Variants in PPIP5K2 observed in about 807,000 individuals in gnomAD.
PPIP5K2 encodes inositol hexakisphosphate and diphosphoinositol-pentakisphosphate kinase 2.
In PPIP5K2, 105 loss-of-function variants were observed where a neutral mutation model predicts 154.6. The ratio of observed to expected loss-of-function variants is 0.68; its 90% CI spans 0.58 to 0.80. PPIP5K2 has a LOEUF of 0.80. PPIP5K2 is among the 30% of genes least tolerant of loss of function. The pLI, the probability that PPIP5K2 is intolerant of heterozygous loss-of-function variation, is 0.00. For missense variants in PPIP5K2, 992 were observed against 1,504.6 expected, an observed-to-expected ratio of 0.66 and a Z score of 5.64; for synonymous variants, 480 against 490.3, an observed-to-expected ratio of 0.98 and a Z score of 0.28.
At chr5:103,167,468 A>G (rs1797308166) in intron 18 of PPIP5K2, 148 bp downstream of exon 18, 2 of 529,126 alleles carry the variant, frequency 3.8e-6, no homozygotes, top group African/African-American at 2.0e-5. Context: ...AAGCAAAAAA[A>G]TAATGGCTAA....
Position 103,208,543 on chromosome 5 carries a change from C to T in PPIP5K2, c.*6909C>T, listed in dbSNP as rs563810562. 1 of 152,236 alleles carries T rather than the reference C, an allele frequency of 6.6e-6. No individual in the cohort carries two copies. The highest frequency in any genetic ancestry group is 1.5e-5 in the Non-Finnish European group (1 of 68,098). 9.4% of individuals were successfully genotyped at this position (152,236 alleles called of 1,614,324 possible). ...GGGTTACCACCTTTGGAGTCTCTTT[C>T]CTCCTGTCTGCCACGTCTACAGACT... On this transcript the variant is annotated 3_prime_UTR_variant, in exon 31 of 31. Transcript: ENST00000358359.
intron 1 of PPIP5K2, among the ~76,000 whole-genome samples, chr5:103,121,258 GATAGATAAAATAATAAC>G (rs1788665536): frequency 1.3e-5 from 2 of 151,994 alleles, no homozygotes; most frequent in Admixed American, 1.3e-4. Flanking sequence ...TTTTGTCTCA[GATAGATAAAATAATAAC>G]GATAGTTGCC....
intron 25 of PPIP5K2, chr5:103,184,423 A>G (rs562127066): frequency 6.5e-6 from 2 of 309,288 alleles, no homozygotes; most frequent in South Asian, 1.5e-4. Flanking sequence ...GCTTCTTTTC[A>G]TCTGTCTTGT....
rs1803366801 is a variant in PPIP5K2 at position 103,204,301 on chromosome 5, C to T, written c.*2667C>T. 1 of 151,254 alleles carries T rather than the reference C, an allele frequency of 6.6e-6. No homozygotes were observed. The highest frequency in any genetic ancestry group is 2.4e-5 in the African/African-American group (1 of 40,952). 9.4% of individuals were successfully genotyped at this position (151,254 alleles called of 1,614,324 possible). ...TTAACTTTACATCATTTTATCCTTG[C>T]CTTACTATCTGGACAGTGTAGACTG... is the stretch of plus-strand genomic sequence containing the variant. On this transcript the variant is annotated 3_prime_UTR_variant, in exon 31 of 31. Transcript: ENST00000358359.
intron 1 of PPIP5K2, among the ~76,000 whole-genome samples, chr5:103,122,337 C>T (rs1357838008): frequency 2.6e-5 from 4 of 152,156 alleles, no homozygotes; most frequent in Non-Finnish European, 4.4e-5. Context: ...TGGGGCCTAA[C>T]AGAAGTGTGA....
intron 26 of PPIP5K2, among the ~76,000 whole-genome samples, chr5:103,185,815 A>C (rs976690282): frequency 6.6e-6 from 1 of 152,068 alleles, no homozygotes; most frequent in African/African-American, 2.4e-5. Context: ...GATATACTTT[A>C]TTTCATAAGA....
chr5:103,201,029 CCT>C lies in PPIP5K2; in HGVS notation c.3620-492_3620-491del, dbSNP rs1321260953. 5.3e-5 allele frequency among the ~76,000 whole-genome samples: 8 copies of C among 152,268 alleles called. No homozygotes were observed. The East Asian group carries it at 1.5e-3, about 29-fold the overall frequency. On this transcript the variant is annotated intron_variant, in intron 30 of 30. Transcript: ENST00000358359. ...GTCAAGCGTGCTTCTAGTTTTCTTACCTTCTAGCTTTTTAGAGAGGGATAAGA... is the reference window on the plus strand; with the variant it reads ...GTCAAGCGTGCTTCTAGTTTTCTTACTCTAGCTTTTTAGAGAGGGATAAGA...
At chr5:103,141,171 C>T (rs1030591383) in intron 5 of PPIP5K2, among the ~76,000 whole-genome samples, 2 of 152,112 alleles carry the variant, frequency 1.3e-5, no homozygotes, top group African/African-American at 2.4e-5. Flanking sequence ...GTCTTGTGTC[C>T]GGAATTGGTG....
intron 7 of PPIP5K2, among the ~76,000 whole-genome samples, chr5:103,148,799 G>A (rs1299796151): frequency 6.8e-6 from 1 of 147,946 alleles, no homozygotes; most frequent in Non-Finnish European, 1.5e-5. Context: ...CTTTTGGAAG[G>A]TTTTTTTTTT....
intron 2 of PPIP5K2, among the ~76,000 whole-genome samples, chr5:103,130,756 C>G (rs1004346296): frequency 6.6e-6 from 1 of 152,150 alleles, no homozygotes; most frequent in Non-Finnish European, 1.5e-5. Context: ...CTCTGGCTCA[C>G]TTAAACTAGA....
At chr5:103,141,779 A>T (rs1554206856) in intron 5 of PPIP5K2, among the ~76,000 whole-genome samples, 1 of 151,006 alleles carries the variant, frequency 6.6e-6, no homozygotes, top group Non-Finnish European at 1.5e-5. Flanking sequence ...TGCCGATTGG[A>T]GTATTTACAA....
intron 1 of PPIP5K2, among the ~76,000 whole-genome samples, chr5:103,126,400 C>A (rs34791): frequency 0.25 from 37,272 of 151,900 alleles, 5,194 homozygotes; most frequent in East Asian, 0.45. Context: ...TGGATACATA[C>A]TTTTTTTTCC....
chr5:103,162,438 C>T (rs1214123882), intron 17 of PPIP5K2, among the ~76,000 whole-genome samples: 5 of 151,404 alleles, frequency 3.3e-5, no homozygotes, highest in African/African-American at 9.7e-5. Flanking sequence ...TCATAGCTCA[C>T]TGTGGCCTGA....
chr5:103,153,804 A>C (rs1038090993), intron 10 of PPIP5K2, 44 bp from the exon 11 acceptor site: 2 of 1,372,992 alleles, frequency 1.5e-6, no homozygotes, highest in Non-Finnish European at 2.0e-6. Context: ...TACAACACAA[A>C]TCTTTTTTAG....
In PPIP5K2 at chr5:103,177,672, A is replaced by G. The variant is rs1554221379; in HGVS notation, c.2535A>G (p.Ser845=). Residue 845 remains serine, a synonymous_variant, in exon 22 of 31, where the codon TCA becomes TCG. Transcript: ENST00000358359. ...ILRYGALCNE[S]KDEQWKRAMD... ...CACATGTATCTTTTGTTCAGGAATC[A>G]AAGGATGAACAGTGGAAACGAGCTA... The G allele has an allele frequency of 1.9e-6, 3 of 1,599,308 alleles. No homozygotes were observed. In the East Asian group the frequency reaches 6.7e-5, roughly 36 times the overall value.
chr5:103,161,053 C>A (rs1315214038), intron 17 of PPIP5K2, among the ~76,000 whole-genome samples: 1 of 151,366 alleles, frequency 6.6e-6, no homozygotes. Context: ...TGGTGTGCTG[C>A]ACCCATTAAC....
intron 21 of PPIP5K2, among the ~76,000 whole-genome samples, chr5:103,176,264 A>G (rs1294290235): frequency 6.6e-6 from 1 of 152,050 alleles, no homozygotes; most frequent in African/African-American, 2.4e-5. Context: ...ACTGAGTTAG[A>G]TATTAAATGG....
intron 19 of PPIP5K2, among the ~76,000 whole-genome samples, chr5:103,172,496 T>A (rs544163163): frequency 6.6e-6 from 1 of 151,380 alleles, no homozygotes; most frequent in Non-Finnish European, 1.5e-5. Flanking sequence ...TTTCCCACTC[T>A]ACCCCCACTT....
intron 19 of PPIP5K2, among the ~76,000 whole-genome samples, chr5:103,170,864 TC>T (rs797030766): frequency 2.5e-4 from 38 of 151,690 alleles, no homozygotes; most frequent in African/African-American, 8.0e-4. Context: ...TACATAGTTC[TC>T]AAGCAAATAA....
Sources: allele counts gnomAD v4.1 joint callset (sites outside exome capture counted in the v4.1 genomes callset), GRCh38; gene constraint gnomAD v4.1.1; transcripts MANE v1.5; gene names NCBI Gene and HGNC (gene_info 2026-07-23, HGNC 2026-07-21).